The following AGAP1 variants were observed in gnomAD, a reference collection of about 807,000 sequenced individuals.
AGAP1 encodes arf-GAP with GTPase, ANK repeat and PH domain-containing protein 1.
Under a neutral mutation model 105.3 loss-of-function variants are expected in AGAP1, and 29 were observed. The observed-to-expected ratio is 0.28, with a 90% CI of 0.21 to 0.38. The LOEUF (loss-of-function observed/expected upper bound fraction) is 0.38. AGAP1 is among the 10% of genes least tolerant of loss of function. The pLI, the probability that AGAP1 is intolerant of heterozygous loss-of-function variation, is 1.00. For missense variants in AGAP1, 998 were observed against 1,165.1 expected (o/e 0.86, Z 2.09); for synonymous variants, 509 against 485.9 (o/e 1.05, Z -0.63).
Position 235,720,773 on chromosome 2 carries a change from G to GGGGTGA in AGAP1, c.310+3139_310+3144dup, listed in dbSNP as rs1460336961. On this transcript the variant is annotated intron_variant, in intron 3 of 17. Transcript: ENST00000304032. The surrounding 1 kb of genome is among the most constrained non-coding windows in gnomAD (Gnocchi z 5.0). ...GGCTGGGATATGTAGACTGCTGGGA[G>GGGGTGA]GGGTGAGGGTGAGGGCCTTCCTGTC... The GGGGTGA allele has an allele frequency of 1.1e-6, 1 of 940,038 alleles. No homozygotes were observed. Among genetic ancestry groups the GGGGTGA allele is most frequent in the African/African-American group, 1.8e-5 (1 of 56,156 alleles). The allele number at this position is 940,038 out of a possible 1,614,324, so 58.2% of individuals were successfully genotyped here. A position where few individuals can be genotyped will look rare whatever the true frequency, so the allele number is the denominator to read the frequency against.
At chr2:236,043,053 C>T (rs911757812) in intron 15 of AGAP1, among the ~76,000 whole-genome samples, 1 of 152,158 alleles carries the variant, frequency 6.6e-6, no homozygotes, top group Non-Finnish European at 1.5e-5. Flanking sequence ...GTTGTCCAGC[C>T]TGCTGTATTT....
At chr2:236,010,266 G>A (rs1057145060) in intron 13 of AGAP1, among the ~76,000 whole-genome samples, 18 of 152,240 alleles carry the variant, frequency 1.2e-4, no homozygotes, top group Admixed American at 2.0e-4. Flanking sequence ...AGCTGTTAAC[G>A]CTAAATGATT....
At chr2:235,597,413 G>A (rs961578732) in intron 1 of AGAP1, among the ~76,000 whole-genome samples, 2 of 152,172 alleles carry the variant, frequency 1.3e-5, no homozygotes, top group East Asian at 3.9e-4. Flanking sequence ...CACACACCTT[G>A]GCCACCCAGC....
Position 235,865,331 on chromosome 2 carries a change from C to G in AGAP1, c.1051-18014C>G, listed in dbSNP as rs893533209. On this transcript the variant is annotated intron_variant, in intron 9 of 17. Coordinates refer to ENST00000304032, the MANE Select transcript of AGAP1 (RefSeq NM_001037131.3). This position sits in a 1 kb window ranked among gnomAD's most constrained non-coding sequence, Gnocchi z 6.2. ...TAGACGCGGCTAATGACAGGAAGGT[C>G]GCGCGGGTGAGCTGACCTGTGTGTG... Among the ~76,000 whole-genome samples the G allele has an allele frequency of 6.6e-6, 1 of 152,150 alleles. No individual in the cohort carries two copies. Among genetic ancestry groups the G allele is most frequent in the Non-Finnish European group, 1.5e-5 (1 of 68,038 alleles).
At chr2:235,605,535 C>A (rs1945900928) in intron 1 of AGAP1, among the ~76,000 whole-genome samples, 1 of 152,214 alleles carries the variant, frequency 6.6e-6, no homozygotes, top group Admixed American at 6.5e-5. Context: ...TATCTTCTCC[C>A]TACCTTGTTG....
rs2675128 is a variant in AGAP1 at position 235,769,187 on chromosome 2, A to G, written c.673+18699A>G. The stretch of plus-strand genomic sequence containing the variant: ...TCCGTCACACAGTCCTGTTGCTGCT[A>G]CCTTGGGGCCCAGGCGTGTCTTTTG... On this transcript the variant is annotated intron_variant, in intron 6 of 17. Transcript: ENST00000304032. This position sits in a 1 kb window ranked among gnomAD's most constrained non-coding sequence, Gnocchi z 4.4. Among the ~76,000 whole-genome samples, 38,642 of 152,016 alleles carry G rather than the reference A, an allele frequency of 0.25. 5,300 individuals carry two copies. Among genetic ancestry groups the G allele is most frequent in the Admixed American group, 0.4 (6,060 of 15,286 alleles).
At chr2:235,947,179 G>A (rs919276708) in intron 12 of AGAP1, among the ~76,000 whole-genome samples, 2 of 151,970 alleles carry the variant, frequency 1.3e-5, no homozygotes, top group East Asian at 1.9e-4. Flanking sequence ...CCCATCACCC[G>A]AGCAGTGTAC....
chr2:235,526,705 G>T (rs1942854530), intron 1 of AGAP1, among the ~76,000 whole-genome samples: 2 of 152,142 alleles, frequency 1.3e-5, no homozygotes, highest in Non-Finnish European at 2.9e-5. Context: ...AGATACTGAT[G>T]AGGACCTGAA....
Position 235,693,965 on chromosome 2 carries a change from A to G in AGAP1, c.164-15214A>G, listed in dbSNP as rs142933169. ...TACCAGGAACATTTTATAAAAAGTAACAGAAACTACCATGTGATTCTGGAA... is the reference window on the plus strand; with the variant it reads ...TACCAGGAACATTTTATAAAAAGTAGCAGAAACTACCATGTGATTCTGGAA... On this transcript the variant is annotated intron_variant, in intron 1 of 17. Transcript: ENST00000304032. Among the ~76,000 whole-genome samples, 323 of 152,338 alleles carry G rather than the reference A, an allele frequency of 2.1e-3. 1 individual carries two copies. Among genetic ancestry groups the G allele is most frequent in the African/African-American group, 7.3e-3 (305 of 41,578 alleles).
chr2:235,800,510 C>T (rs755757537), intron 8 of AGAP1, among the ~76,000 whole-genome samples: 4 of 152,192 alleles, frequency 2.6e-5, no homozygotes, highest in Non-Finnish European at 4.4e-5. Flanking sequence ...GCATAGCAGA[C>T]ATTACCAATC....
rs1943890551 is a variant in AGAP1 at position 235,553,870 on chromosome 2, A to G, written c.163+59021A>G. The stretch of plus-strand genomic sequence containing the variant: ...CACTTGATAAGTGAAAGGAACTTCC[A>G]CGTAAGGATCCCGAAGCACGGTTGC... On this transcript the variant is annotated intron_variant, in intron 1 of 17. Transcript: ENST00000304032. The surrounding 1 kb of genome is among the most constrained non-coding windows in gnomAD (Gnocchi z 4.5). Among the ~76,000 whole-genome samples, 5 of 152,212 alleles carry G rather than the reference A, an allele frequency of 3.3e-5. No homozygotes were observed. Among genetic ancestry groups the G allele is most frequent in the Admixed American group, 3.3e-4 (5 of 15,286 alleles).
intron 1 of AGAP1, among the ~76,000 whole-genome samples, chr2:235,518,459 C>T (rs562096697): frequency 4.6e-5 from 7 of 152,322 alleles, no homozygotes; most frequent in South Asian, 2.1e-4. Flanking sequence ...TGTGATGATG[C>T]GTGTGCCCCA....
chr2:235,887,022 A>G lies in AGAP1; in HGVS notation c.1155+3573A>G, dbSNP rs911863798. On this transcript the variant is annotated intron_variant, in intron 10 of 17. Transcript: ENST00000304032. This position sits in a 1 kb window ranked among gnomAD's most constrained non-coding sequence, Gnocchi z 4.1. ...AGCCGAATCCAGATTTTCCTTCATA[A>G]GAAACTTGAGAATGTGCAAATGTGT... Among the ~76,000 whole-genome samples, 1 of 152,226 alleles carries G rather than the reference A, an allele frequency of 6.6e-6. No homozygotes were observed. Among genetic ancestry groups the G allele is most frequent in the African/African-American group, 2.4e-5 (1 of 41,452 alleles).
chr2:235,974,119 T>A (rs2054764805), intron 13 of AGAP1, among the ~76,000 whole-genome samples: 1 of 152,240 alleles, frequency 6.6e-6, no homozygotes, highest in Non-Finnish European at 1.5e-5. Flanking sequence ...AGTGCTAATT[T>A]CCCTGTTTCC....
chr2:236,114,934 C>T lies in AGAP1; in HGVS notation c.2115-5258C>T, dbSNP rs954305317. Reference sequence around the variant, plus strand: ...GAGGTCATTTAAACCAGCCAGACTCCTTCTTACCCCAGAGTCTCAGGATCC... The same window carrying T: ...GAGGTCATTTAAACCAGCCAGACTCTTTCTTACCCCAGAGTCTCAGGATCC... On this transcript the variant is annotated intron_variant, in intron 16 of 17. Transcript: ENST00000304032. The surrounding 1 kb of genome is among the most constrained non-coding windows in gnomAD (Gnocchi z 5.0). Among the ~76,000 whole-genome samples, 22 of 152,190 alleles carry T rather than the reference C, an allele frequency of 1.4e-4. No homozygotes were observed. The highest frequency in any genetic ancestry group is 5.1e-4 in the African/African-American group (21 of 41,448).
intron 9 of AGAP1, among the ~76,000 whole-genome samples, chr2:235,880,043 A>C (rs902844131): frequency 7.3e-5 from 11 of 151,234 alleles, no homozygotes; most frequent in Admixed American, 2.0e-4. Flanking sequence ...CCAAGAGTTC[A>C]AGGCCACAAG....
At chr2:235,670,146 A>T in intron 1 of AGAP1, 1 of 582,918 alleles carries the variant, frequency 1.7e-6, no homozygotes, top group Admixed American at 2.6e-5. Flanking sequence ...CCACCCGCGG[A>T]CGCGATGCCG....
At position 235,769,570 on chromosome 2, in the gene AGAP1, G is replaced by A. The variant is rs948079236; in HGVS notation, c.673+19082G>A. Among the ~76,000 whole-genome samples the A allele has an allele frequency of 2.0e-5, 3 of 152,190 alleles. No individual in the cohort carries two copies. The highest frequency in any genetic ancestry group is 6.5e-5 in the Admixed American group (1 of 15,274). On this transcript the variant is annotated intron_variant, in intron 6 of 17. Coordinates refer to ENST00000304032, the MANE Select transcript of AGAP1 (RefSeq NM_001037131.3). This position sits in a 1 kb window ranked among gnomAD's most constrained non-coding sequence, Gnocchi z 4.4. Reference sequence around the variant, plus strand: ...AGAAATGCAAACAGTTAGTTGTTCCGTTCATGCTGTTGCGTGAGATAAGTT... The same window carrying A: ...AGAAATGCAAACAGTTAGTTGTTCCATTCATGCTGTTGCGTGAGATAAGTT...
chr2:235,781,585 C>T (rs1956266274), intron 6 of AGAP1, among the ~76,000 whole-genome samples: 4 of 152,090 alleles, frequency 2.6e-5, no homozygotes, highest in Admixed American at 2.6e-4. Flanking sequence ...CTAAATCACA[C>T]TTATTGAATG....
Sources: allele counts gnomAD v4.1 joint callset (sites outside exome capture counted in the v4.1 genomes callset), GRCh38; gene constraint gnomAD v4.1.1; non-coding constraint Gnocchi (gnomAD v3.1); transcripts MANE v1.5; gene names NCBI Gene and HGNC (gene_info 2026-07-23, HGNC 2026-07-21).